KCNIP4: variants seen among roughly 807,000 people sequenced by gnomAD.
The protein encoded by KCNIP4 is potassium voltage-gated channel interacting protein 4, also known as Kv channel-interacting protein 4.
A neutral mutation model predicts 34.0 loss-of-function variants in KCNIP4; 12 were observed. The observed-to-expected ratio is 0.35, with a 90% confidence interval of 0.23 to 0.57. KCNIP4 has a LOEUF of 0.57. Ranked by LOEUF, KCNIP4 falls within the 20% of genes least tolerant of loss-of-function variation. KCNIP4 has a pLI of 0.83. For missense variants in KCNIP4, 238 were observed against 311.7 expected (o/e 0.76, Z 1.78); for synonymous variants, 124 against 102.2 (o/e 1.21, Z -1.29).
At chr4:21,909,267 C>G (rs1040363285) in intron 1 of KCNIP4, among the ~76,000 whole-genome samples, 1 of 152,056 alleles carries the variant, frequency 6.6e-6, no homozygotes, top group Non-Finnish European at 1.5e-5. Flanking sequence ...GTCTTATATT[C>G]CCGTGCCCCT....
chr4:21,631,332 T>C (rs1400173945), intron 1 of KCNIP4, among the ~76,000 whole-genome samples: 4 of 152,224 alleles, frequency 2.6e-5, no homozygotes, highest in African/African-American at 4.8e-5. Context: ...TGACATTTTC[T>C]AGTTTTCCAT....
chr4:21,868,627 C>T (rs1367342065), intron 1 of KCNIP4, among the ~76,000 whole-genome samples: 1 of 152,030 alleles, frequency 6.6e-6, no homozygotes, highest in African/African-American at 2.4e-5. Context: ...TAAATGCTAA[C>T]TATTGTTACT....
At chr4:21,429,323 AT>A (rs144570578) in intron 1 of KCNIP4, among the ~76,000 whole-genome samples, 22,031 of 150,952 alleles carry the variant, frequency 0.15, 1,862 homozygotes, top group East Asian at 0.24. Context: ...TTGATAACTC[AT>A]TTTTTTTTAG....
intron 1 of KCNIP4, among the ~76,000 whole-genome samples, chr4:20,910,626 G>T (rs1029391360): frequency 2.6e-5 from 4 of 152,082 alleles, no homozygotes; most frequent in South Asian, 2.1e-4. Context: ...ACATCTCCCT[G>T]GTCCTTTTGT....
chr4:21,462,815 CTA>C, intron 1 of KCNIP4, among the ~76,000 whole-genome samples: 1 of 141,368 alleles, frequency 7.1e-6, no homozygotes, highest in South Asian at 2.3e-4. Flanking sequence ...GTATGTGTGT[CTA>C]TGTGTGTTTG....
intron 1 of KCNIP4, among the ~76,000 whole-genome samples, chr4:21,318,069 T>TAGCTGACACCTGGCTGCCCAA (rs1713973886): frequency 6.6e-6 from 1 of 152,222 alleles, no homozygotes; most frequent in Non-Finnish European, 1.5e-5. Context: ...CTGCCTGCTC[T>TAGCTGACACCTGGCTGCCCAA]AGCTGACACC....
chr4:21,156,242 A>T (rs1753137779), intron 1 of KCNIP4, among the ~76,000 whole-genome samples: 2 of 152,170 alleles, frequency 1.3e-5, no homozygotes, highest in African/African-American at 4.8e-5. Flanking sequence ...TGCTTGGAAG[A>T]AGCTGTCTAG....
At chr4:21,946,386 A>G (rs1376579039) in intron 1 of KCNIP4, among the ~76,000 whole-genome samples, 2 of 152,196 alleles carry the variant, frequency 1.3e-5, no homozygotes, top group African/African-American at 4.8e-5. Flanking sequence ...ATCATAGTAC[A>G]AGATAGTTTG....
intron 1 of KCNIP4, among the ~76,000 whole-genome samples, chr4:21,606,610 T>C (rs899568867): frequency 6.6e-6 from 1 of 152,144 alleles, no homozygotes; most frequent in East Asian, 1.9e-4. Context: ...TTGTTTGTTT[T>C]TGAGACAGAG....
chr4:20,863,427 A>T (rs776455249), intron 2 of KCNIP4, among the ~76,000 whole-genome samples: 3 of 152,116 alleles, frequency 2.0e-5, no homozygotes, highest in Non-Finnish European at 2.9e-5. Flanking sequence ...TACAATAGTG[A>T]TGTGATCCCC....
intron 3 of KCNIP4, among the ~76,000 whole-genome samples, chr4:20,816,272 C>A (rs956331377): frequency 3.3e-5 from 5 of 151,018 alleles, no homozygotes; most frequent in African/African-American, 1.2e-4. Context: ...AAAAAAAAAC[C>A]TTTAAGTAGA....
At chr4:21,188,379 A>C (rs1189694036) in intron 1 of KCNIP4, among the ~76,000 whole-genome samples, 1 of 152,174 alleles carries the variant, frequency 6.6e-6, no homozygotes, top group Non-Finnish European at 1.5e-5. Flanking sequence ...ACAAGTCCCA[A>C]AGAAGCAATC....
At chr4:21,577,184 C>T (rs966635178) in intron 1 of KCNIP4, among the ~76,000 whole-genome samples, 5 of 152,306 alleles carry the variant, frequency 3.3e-5, no homozygotes, top group Admixed American at 1.3e-4. Context: ...TACACTGTGA[C>T]TTCAGCCTAA....
intron 1 of KCNIP4, among the ~76,000 whole-genome samples, chr4:21,091,034 G>T (rs74627023): frequency 0.034 from 5,102 of 152,292 alleles, 133 homozygotes; most frequent in Middle Eastern, 0.058. Context: ...ATCCTTGGGG[G>T]CTTTTTGTTC....
chr4:21,606,681 C>T (rs1378055095), intron 1 of KCNIP4, among the ~76,000 whole-genome samples: 1 of 152,104 alleles, frequency 6.6e-6, no homozygotes, highest in Non-Finnish European at 1.5e-5. Flanking sequence ...GCAACCTCTG[C>T]CTCCCGGGTT....
intron 1 of KCNIP4, among the ~76,000 whole-genome samples, chr4:21,352,920 T>A: frequency 6.6e-6 from 1 of 152,096 alleles, no homozygotes; most frequent in Non-Finnish European, 1.5e-5. Context: ...GGATGAAGCT[T>A]CCAGAGGAAG....
intron 1 of KCNIP4, among the ~76,000 whole-genome samples, chr4:20,950,210 C>T (rs1485666703): frequency 6.6e-6 from 1 of 150,776 alleles, no homozygotes; most frequent in East Asian, 2.0e-4. Context: ...GGAAGATCTA[C>T]AGCTATTAGC....
At chr4:21,327,558 A>G (rs756316049) in intron 1 of KCNIP4, among the ~76,000 whole-genome samples, 18 of 152,068 alleles carry the variant, frequency 1.2e-4, no homozygotes, top group Non-Finnish European at 1.5e-5. Context: ...GATGTTCTAT[A>G]AGCTTCTTGT....
chr4:21,542,027 C>T (rs1004577778), intron 1 of KCNIP4, among the ~76,000 whole-genome samples: 1 of 152,166 alleles, frequency 6.6e-6, no homozygotes, highest in Non-Finnish European at 1.5e-5. Flanking sequence ...TTCTATGGCA[C>T]GCTTTCTTTC....
Sources: gnomAD v4.1 joint callset for allele counts (sites outside exome capture counted in the v4.1 genomes callset) on GRCh38, gnomAD v4.1.1 for gene constraint, MANE v1.5 for transcripts, NCBI Gene and HGNC (gene_info 2026-07-23, HGNC 2026-07-21) for gene names.